STAG1: variants seen among roughly 807,000 people sequenced by gnomAD.
The protein encoded by STAG1 is cohesin subunit SA-1.
In STAG1, 26 loss-of-function variants were observed where a neutral mutation model predicts 170.9. The ratio of observed to expected loss-of-function variants is 0.15; its 90% confidence interval spans 0.11 to 0.21. The LOEUF (loss-of-function observed/expected upper bound fraction) is 0.21, where lower values mean the gene tolerates loss of function less well. STAG1 is among the 10% of genes least tolerant of loss of function. The pLI is 1.00. For missense variants in STAG1, 964 were observed against 1,509.5 expected (o/e 0.64, Z 5.99); for synonymous variants, 514 against 497.7 (o/e 1.03, Z -0.44).
chr3:136,736,613 T>C, intron 1 of STAG1: 7 of 1,593,502 alleles, frequency 4.4e-6, no homozygotes, highest in Non-Finnish European at 5.2e-6. Flanking sequence ...CATCTCGACT[T>C]TCCTCAAAGT....
At chr3:136,539,530 A>G (rs1935793536) in intron 6 of STAG1, among the ~76,000 whole-genome samples, 1 of 152,226 alleles carries the variant, frequency 6.6e-6, no homozygotes, top group Non-Finnish European at 1.5e-5. Flanking sequence ...AGTCATACTT[A>G]AAACATATGA....
At chr3:136,339,124 C>G (rs1028633617) in intron 32 of STAG1, among the ~76,000 whole-genome samples, 3 of 152,042 alleles carry the variant, frequency 2.0e-5, no homozygotes, top group Non-Finnish European at 4.4e-5. Context: ...AGAGGAGAGA[C>G]ACATATAGGA....
rs929348106 is a variant in STAG1 at position 136,532,606 on chromosome 3, G to T, written c.471+9513C>A. On this transcript the variant is annotated intron_variant, in intron 6 of 33. Transcript: ENST00000383202. ...AATTTACATAAGGCATTCAAGGATG[G>T]TTTAACGTATGCAAATCAACAAATG... Among the ~76,000 whole-genome samples, 6 of 152,098 alleles carry T rather than the reference G, an allele frequency of 3.9e-5. No individual in the cohort carries two copies. In the South Asian group the frequency reaches 1.2e-3, roughly 31 times the overall value.
chr3:136,714,481 C>A (rs537135115), intron 1 of STAG1, among the ~76,000 whole-genome samples: 1 of 152,022 alleles, frequency 6.6e-6, no homozygotes, highest in African/African-American at 2.4e-5. Flanking sequence ...GTAATCCCAG[C>A]GCTTTGGGAG....
chr3:136,523,341 G>A (rs1177359675), intron 6 of STAG1, among the ~76,000 whole-genome samples: 5 of 152,094 alleles, frequency 3.3e-5, no homozygotes, highest in African/African-American at 4.8e-5. Context: ...ATTTTTTCAC[G>A]TGTCTGTTGG....
Position 136,529,346 on chromosome 3 carries a change from T to C in STAG1, c.472-7929A>G, listed in dbSNP as rs76223356. On this transcript the variant is annotated intron_variant, in intron 6 of 33. Transcript: ENST00000383202. The stretch of plus-strand genomic sequence containing the variant: ...TCTTCATGGCACGTTATAGTCAAAC[T>C]GTTTTAACGTCAAAGACAGAGAGAA... Among the ~76,000 whole-genome samples the C allele has an allele frequency of 9.2e-3, 1,402 of 152,322 alleles. 10 individuals carry two copies. The highest frequency in any genetic ancestry group is 0.016 in the Non-Finnish European group (1,118 of 68,028).
At chr3:136,485,423 C>T (rs1338122220) in intron 9 of STAG1, among the ~76,000 whole-genome samples, 1 of 152,090 alleles carries the variant, frequency 6.6e-6, no homozygotes, top group African/African-American at 2.4e-5. Context: ...CGCCACTGCA[C>T]TCCAGCCTGG....
At chr3:136,510,664 T>C (rs116577017) in intron 7 of STAG1, among the ~76,000 whole-genome samples, 1,969 of 151,456 alleles carry the variant, frequency 0.013, 40 homozygotes, top group African/African-American at 0.045. Context: ...AGGCTGTGAA[T>C]GCAGTGGTGC....
intron 16 of STAG1, among the ~76,000 whole-genome samples, chr3:136,428,211 C>CCTTATCTGTAAAG (rs1178700098): frequency 6.6e-6 from 1 of 152,114 alleles, no homozygotes; most frequent in Non-Finnish European, 1.5e-5. Flanking sequence ...TCAGGACTGC[C>CCTTATCTGTAAAG]CTTATCTGTA....
At chr3:136,666,074 CAAAAAAAAAAAAAAAAAAAAAA>C (rs576009223) in intron 1 of STAG1, among the ~76,000 whole-genome samples, 32 of 51,172 alleles carry the variant, frequency 6.3e-4, no homozygotes, top group Admixed American at 1.7e-3. Flanking sequence ...GACTCCATCT[CAAAAAAAAAAAAAAAAAAAAAA>C]AAAAAAAAAA....
At chr3:136,401,637 A>G (rs572830918) in intron 21 of STAG1, among the ~76,000 whole-genome samples, 1 of 151,882 alleles carries the variant, frequency 6.6e-6, no homozygotes, top group Non-Finnish European at 1.5e-5. Flanking sequence ...TTTTTTTTTG[A>G]GATGGAGTAT....
chr3:136,736,951 A>G, intron 1 of STAG1: 3 of 1,597,276 alleles, frequency 1.9e-6, no homozygotes, highest in Non-Finnish European at 1.7e-6. Flanking sequence ...CACAGCCTCA[A>G]AAGCCTTTTG....
At position 136,495,943 on chromosome 3, in the gene STAG1, C is replaced by G. The variant is rs542522854; in HGVS notation, c.902+4280G>C. Among the ~76,000 whole-genome samples the G allele has an allele frequency of 4.2e-5, 6 of 144,118 alleles. No homozygotes were observed. The East Asian group carries it at 1.3e-3, about 30-fold the overall frequency. 94.5% of individuals were successfully genotyped at this position (144,118 alleles called of 152,430 possible). A position where few individuals can be genotyped will look rare whatever the true frequency, so the allele number is the denominator to read the frequency against. Reference sequence around the variant, plus strand: ...GAGACCGTGCACCACTGCACTCCAGCCTGGGTGACAGAGCAAGACTCCGTC... The same window carrying G: ...GAGACCGTGCACCACTGCACTCCAGGCTGGGTGACAGAGCAAGACTCCGTC... On this transcript the variant is annotated intron_variant, in intron 9 of 33. Transcript: ENST00000383202.
At chr3:136,440,459 C>G (rs1427542677) in intron 15 of STAG1, among the ~76,000 whole-genome samples, 1 of 151,694 alleles carries the variant, frequency 6.6e-6, no homozygotes, top group Non-Finnish European at 1.5e-5. Context: ...TCTTTGCCTC[C>G]CTTCTCCTTG....
intron 1 of STAG1, among the ~76,000 whole-genome samples, chr3:136,706,562 T>A (rs978572784): frequency 1.3e-5 from 2 of 152,160 alleles, no homozygotes; most frequent in African/African-American, 4.8e-5. Flanking sequence ...TAAAAGAAAT[T>A]AAGACTTAAT....
At chr3:136,585,648 T>C (rs1031158619) in intron 4 of STAG1, among the ~76,000 whole-genome samples, 6 of 151,852 alleles carry the variant, frequency 4.0e-5, no homozygotes, top group African/African-American at 1.5e-4. Flanking sequence ...TTCCAATTTT[T>C]TCCTTTTCAC....
intron 4 of STAG1, among the ~76,000 whole-genome samples, chr3:136,585,358 T>G (rs900384138): frequency 3.3e-5 from 5 of 151,978 alleles, no homozygotes; most frequent in African/African-American, 1.2e-4. Context: ...AGCAGAATCG[T>G]TGGAACCCGG....
At chr3:136,586,789 T>C (rs926378939) in intron 4 of STAG1, 3 of 455,180 alleles carry the variant, frequency 6.6e-6, no homozygotes, top group African/African-American at 6.0e-5. Context: ...ATGAAATACA[T>C]TACTTAGCTC....
chr3:136,677,144 CAATA>C (rs1386771102), intron 1 of STAG1, among the ~76,000 whole-genome samples: 1 of 152,112 alleles, frequency 6.6e-6, no homozygotes, highest in African/African-American at 2.4e-5. Flanking sequence ...AAGTATAGTA[CAATA>C]AATATACAAA....
Sources: gnomAD v4.1 joint callset for allele counts (sites outside exome capture counted in the v4.1 genomes callset) on GRCh38, gnomAD v4.1.1 for gene constraint, MANE v1.5 for transcripts, NCBI Gene and HGNC (gene_info 2026-07-23, HGNC 2026-07-21) for gene names.